Variants in FHIT observed in about 807,000 individuals in gnomAD.
FHIT encodes the protein bis(5'-adenosyl)-triphosphatase.
In FHIT, 19 loss-of-function variants were observed where a neutral mutation model predicts 17.9. The observed-to-expected ratio is 1.06, with a 90% CI of 0.74 to 1.56. The LOEUF is 1.56. Ranked by LOEUF, FHIT falls within the 40% of genes most tolerant of loss-of-function variation. FHIT has a pLI of 0.00. For missense variants in FHIT, 248 were observed against 189.2 expected, an observed-to-expected ratio of 1.31 and a Z score of -1.82; for synonymous variants, 81 against 69.7, an observed-to-expected ratio of 1.16 and a Z score of -0.81.
chr3:61,108,971 T>C (rs765939358), intron 2 of FHIT, among the ~76,000 whole-genome samples: 1 of 152,230 alleles, frequency 6.6e-6, no homozygotes, highest in Non-Finnish European at 1.5e-5. Context: ...ACTAAATCTA[T>C]GTGCCATCAT....
intron 5 of FHIT, among the ~76,000 whole-genome samples, chr3:60,154,455 T>A (rs1700596150): frequency 6.6e-6 from 1 of 152,108 alleles, no homozygotes; most frequent in African/African-American, 2.4e-5. Context: ...AGCTAGAAAC[T>A]CCAATCAGGG....
At chr3:59,802,088 G>T (rs1700016910) in intron 8 of FHIT, among the ~76,000 whole-genome samples, 1 of 152,180 alleles carries the variant, frequency 6.6e-6, no homozygotes, top group Non-Finnish European at 1.5e-5. Context: ...CTGCCACATG[G>T]CAGGTGCCAG....
intron 8 of FHIT, among the ~76,000 whole-genome samples, chr3:59,918,788 C>A (rs1291246790): frequency 6.6e-6 from 1 of 152,080 alleles, no homozygotes; most frequent in Non-Finnish European, 1.5e-5. Context: ...GAGCAATATG[C>A]CTAACAGCAT....
chr3:61,118,134 T>A (rs1418118815), intron 2 of FHIT, among the ~76,000 whole-genome samples: 1 of 152,172 alleles, frequency 6.6e-6, no homozygotes, highest in East Asian at 1.9e-4. Flanking sequence ...TAATTTGGTT[T>A]GAAAGCAAGG....
chr3:61,043,423 G>C (rs913893943), intron 2 of FHIT, among the ~76,000 whole-genome samples: 2 of 152,306 alleles, frequency 1.3e-5, no homozygotes, highest in Admixed American at 1.3e-4. Flanking sequence ...GTGAGGCTGG[G>C]GGAGGGGCAT....
chr3:60,668,371 G>GAAAAA (rs60941309), intron 4 of FHIT, among the ~76,000 whole-genome samples: 2 of 68,028 alleles, frequency 2.9e-5, no homozygotes, highest in African/African-American at 1.1e-4. Flanking sequence ...GCTCAATCAG[G>GAAAAA]AAAAAAAAAA....
chr3:60,917,143 G>T (rs1330981610), intron 3 of FHIT, among the ~76,000 whole-genome samples: 3 of 152,126 alleles, frequency 2.0e-5, no homozygotes, highest in Admixed American at 6.5e-5. Flanking sequence ...AAAACTTAAG[G>T]CTTAACAGAA....
At chr3:59,947,757 CAG>C (rs1706887290) in intron 7 of FHIT, among the ~76,000 whole-genome samples, 1 of 152,172 alleles carries the variant, frequency 6.6e-6, no homozygotes, top group Non-Finnish European at 1.5e-5. Context: ...AACACTCTGA[CAG>C]AGGATGCTGG....
chr3:61,216,426 A>G (rs1315373038), intron 1 of FHIT, among the ~76,000 whole-genome samples: 1 of 152,242 alleles, frequency 6.6e-6, no homozygotes, highest in African/African-American at 2.4e-5. Flanking sequence ...GAGAAATGCA[A>G]ATCAAAACCA....
chr3:60,543,573 T>G (rs905171102), intron 4 of FHIT, among the ~76,000 whole-genome samples: 2 of 152,308 alleles, frequency 1.3e-5, no homozygotes, highest in Middle Eastern at 6.8e-3. Context: ...TATTCCTAGA[T>G]AGCTTTTAGT....
At chr3:61,225,462 T>C (rs1458270159) in intron 1 of FHIT, among the ~76,000 whole-genome samples, 1 of 152,232 alleles carries the variant, frequency 6.6e-6, no homozygotes, top group Non-Finnish European at 1.5e-5. Flanking sequence ...TGTTCTAAAA[T>C]GGTCATACCA....
intron 5 of FHIT, among the ~76,000 whole-genome samples, chr3:60,518,748 C>T (rs1050329752): frequency 6.6e-6 from 1 of 152,150 alleles, no homozygotes; most frequent in Admixed American, 6.5e-5. Context: ...CTGGCTCATG[C>T]CTGTAATCCA....
intron 5 of FHIT, among the ~76,000 whole-genome samples, chr3:60,286,119 A>G (rs1337800155): frequency 6.6e-6 from 1 of 152,166 alleles, no homozygotes; most frequent in East Asian, 1.9e-4. Flanking sequence ...ATCCTACTCT[A>G]TTCTCTATCC....
intron 4 of FHIT, among the ~76,000 whole-genome samples, chr3:60,747,891 AAGGTGGGTATCCC>A (rs1439045368): frequency 3.9e-5 from 6 of 152,236 alleles, no homozygotes; most frequent in Non-Finnish European, 5.9e-5. Flanking sequence ...TGAGAATGGA[AAGGTGGGTATCCC>A]AGGTAGAGTA....
intron 5 of FHIT, among the ~76,000 whole-genome samples, chr3:60,024,259 G>A (rs1700656735): frequency 6.6e-6 from 1 of 151,960 alleles, no homozygotes. Context: ...AAATGAAAGA[G>A]AGTCACACTT....
intron 4 of FHIT, among the ~76,000 whole-genome samples, chr3:60,579,228 C>T (rs1219591876): frequency 3.3e-5 from 5 of 152,148 alleles, no homozygotes; most frequent in African/African-American, 1.2e-4. Flanking sequence ...TACACATAGG[C>T]TATACGCTAT....
chr3:60,171,077 C>T (rs1172299577), intron 5 of FHIT, among the ~76,000 whole-genome samples: 2 of 152,156 alleles, frequency 1.3e-5, no homozygotes, highest in African/African-American at 2.4e-5. Flanking sequence ...TTCAAAGACC[C>T]TCCATTTCCT....
At chr3:59,771,910 T>G (rs1007408221) in intron 8 of FHIT, among the ~76,000 whole-genome samples, 1 of 152,160 alleles carries the variant, frequency 6.6e-6, no homozygotes, top group African/African-American at 2.4e-5. Context: ...ATGCATACAC[T>G]TTACTTGAAA....
At chr3:60,787,004 G>GAAAAAAAAAAAAAAAA (rs11445450) in intron 4 of FHIT, among the ~76,000 whole-genome samples, 1 of 135,830 alleles carries the variant, frequency 7.4e-6, no homozygotes, top group African/African-American at 2.7e-5. Context: ...AAGACAAAAA[G>GAAAAAAAAAAAAAAAA]AAAAAAAAAA....
Sources: allele counts gnomAD v4.1 joint callset (sites outside exome capture counted in the v4.1 genomes callset), GRCh38; gene constraint gnomAD v4.1.1; transcripts MANE v1.5; gene names NCBI Gene and HGNC (gene_info 2026-07-23, HGNC 2026-07-21).